The following NSA2 variants were observed in gnomAD, a reference collection of about 807,000 sequenced individuals.
The protein encoded by NSA2 is ribosome biogenesis protein NSA2 homolog.
A neutral mutation model predicts 34.8 loss-of-function variants in NSA2; 18 were observed. The ratio of observed to expected loss-of-function variants is 0.52; its 90% CI spans 0.36 to 0.77. The LOEUF (loss-of-function observed/expected upper bound fraction) is 0.77, where lower values mean the gene tolerates loss of function less well. Ranked by LOEUF, NSA2 falls within the 30% of genes least tolerant of loss-of-function variation. The pLI, the probability that NSA2 is intolerant of heterozygous loss-of-function variation, is 0.00. For missense variants in NSA2, 188 were observed against 314.7 expected, an observed-to-expected ratio of 0.60 and a Z score of 3.05; for synonymous variants, 79 against 100.2, an observed-to-expected ratio of 0.79 and a Z score of 1.26.
chr5:74,767,418 T>C, intron 1 of NSA2, 55 bp downstream of exon 1: 1 of 1,606,198 alleles, frequency 6.2e-7, no homozygotes, highest in Non-Finnish European at 8.5e-7. Flanking sequence ...TAGTGGGACC[T>C]GAGGACTCTG....
In NSA2 at chr5:74,778,436, A is replaced by G. The variant is rs1745231231; in HGVS notation, c.*1765A>G. 1 of 152,026 alleles carries G rather than the reference A, an allele frequency of 6.6e-6. No homozygotes were observed. The highest frequency in any genetic ancestry group is 2.1e-4 in the South Asian group (1 of 4,830). 9.4% of individuals were successfully genotyped at this position (152,026 alleles called of 1,614,324 possible). On this transcript the variant is annotated 3_prime_UTR_variant, in exon 6 of 6. Coordinates refer to ENST00000610426, the MANE Select transcript of NSA2 (RefSeq NM_014886.6). ...GCAATCATAAACCTTCAAGATTTCTAGTCACTGAAACCCCATTGTAGGTAG... is the reference window on the plus strand; with the variant it reads ...GCAATCATAAACCTTCAAGATTTCTGGTCACTGAAACCCCATTGTAGGTAG...
chr5:74,772,380 A>G (rs1744972595), intron 4 of NSA2, among the ~76,000 whole-genome samples: 1 of 152,064 alleles, frequency 6.6e-6, no homozygotes, highest in South Asian at 2.1e-4. Context: ...TAGCCTCCCA[A>G]AGTGTTGGAA....
chr5:74,768,439 G>A (rs1744789922), intron 1 of NSA2, among the ~76,000 whole-genome samples: 1 of 152,166 alleles, frequency 6.6e-6, no homozygotes, highest in Non-Finnish European at 1.5e-5. Flanking sequence ...TTGGGAAAGA[G>A]GATTGACTTA....
chr5:74,768,895 T>A (rs761709918), intron 1 of NSA2, 36 bp from the exon 2 acceptor site: 1 of 1,440,562 alleles, frequency 6.9e-7, no homozygotes. Flanking sequence ...GTCAGTACTT[T>A]AAAAAATTAA....
chr5:74,773,088 A>G (rs896697731), intron 4 of NSA2, among the ~76,000 whole-genome samples: 3 of 152,138 alleles, frequency 2.0e-5, no homozygotes, highest in Non-Finnish European at 4.4e-5. Flanking sequence ...GAATCAGGAT[A>G]TTAAGGTTTG....
At position 74,770,813 on chromosome 5, in the gene NSA2, A is replaced by C; in HGVS notation, c.522+3A>C. 1.3e-6 allele frequency: 2 copies of C among 1,566,466 alleles called. No homozygotes were observed. The highest frequency in any genetic ancestry group is 8.6e-7 in the Non-Finnish European group (1 of 1,159,628). On this transcript the variant is annotated splice_donor_region_variant and intron_variant, in intron 4 of 5. Transcript: ENST00000610426. ...ATGAAAGATTCATCAGGCCAATGGTAAGTCCTTGGAAGAGTGTAATGACCG... is the reference window on the plus strand; with the variant it reads ...ATGAAAGATTCATCAGGCCAATGGTCAGTCCTTGGAAGAGTGTAATGACCG...
In NSA2 at chr5:74,774,473, G is replaced by A. The variant is rs572643126; in HGVS notation, c.715+413G>A. Among the ~76,000 whole-genome samples, 18 of 151,954 alleles carry A rather than the reference G, an allele frequency of 1.2e-4. No homozygotes were observed. In the South Asian group the frequency reaches 1.3e-3, roughly 11 times the overall value. The stretch of plus-strand genomic sequence containing the variant: ...AAAAAAATCAGCCGGGTGTGGTGGC[G>A]AGCACCTCTAATCCCAGCCACTTGG... On this transcript the variant is annotated intron_variant, in intron 5 of 5. Coordinates refer to ENST00000610426, the MANE Select transcript of NSA2 (RefSeq NM_014886.6).
Position 74,770,555 on chromosome 5 carries a change from AC to A in NSA2, c.343-75del. ...AAAAAAAATAGATCTATTACTTTGT[AC>A]AACTAAAACATATTTGACTTATTCT... On this transcript the variant is annotated intron_variant, in intron 3 of 5. Coordinates refer to ENST00000610426, the MANE Select transcript of NSA2 (RefSeq NM_014886.6). The A allele has an allele frequency of 4.2e-6, 5 of 1,202,922 alleles. No homozygotes were observed. The South Asian group carries it at 8.5e-5, about 20-fold the overall frequency. 74.5% of individuals were successfully genotyped at this position (1,202,922 alleles called of 1,614,324 possible).
intron 4 of NSA2, 119 bp from the exon 5 acceptor site, chr5:74,773,749 T>C (rs1745021979): frequency 4.2e-6 from 3 of 711,480 alleles, no homozygotes; most frequent in South Asian, 4.5e-5. Context: ...TTCTTTAAGA[T>C]GACATTATTC....
intron 5 of NSA2, among the ~76,000 whole-genome samples, chr5:74,775,605 A>G (rs1002968590): frequency 6.6e-6 from 1 of 152,120 alleles, no homozygotes; most frequent in African/African-American, 2.4e-5. Context: ...GCAAGCCTCC[A>G]TCTCAAAAAT....
intron 4 of NSA2, among the ~76,000 whole-genome samples, chr5:74,773,119 T>C (rs1434188722): frequency 6.6e-6 from 1 of 152,148 alleles, no homozygotes. Flanking sequence ...CCACTCACCA[T>C]TTAATCTGGA....
At chr5:74,773,236 G>C (rs1745002423) in intron 4 of NSA2, among the ~76,000 whole-genome samples, 1 of 152,046 alleles carries the variant, frequency 6.6e-6, no homozygotes, top group African/African-American at 2.4e-5. Context: ...TTGTGAGCTA[G>C]CATAGTGGCC....
Position 74,767,273 on chromosome 5 carries a change from G to C in NSA2, c.-88G>C, listed in dbSNP as rs1040119280. On this transcript the variant is annotated 5_prime_UTR_variant, in exon 1 of 6. Coordinates refer to ENST00000610426, the MANE Select transcript of NSA2 (RefSeq NM_014886.6). Reference sequence around the variant, plus strand: ...GACTCTTTCCTGTCCCGGCCTGCGTGGTGTGGGCTTGTGGGTCTTTGAGAC... The same window carrying C: ...GACTCTTTCCTGTCCCGGCCTGCGTCGTGTGGGCTTGTGGGTCTTTGAGAC... 5 of 1,519,478 alleles carry C rather than the reference G, an allele frequency of 3.3e-6. No individual in the cohort carries two copies. The African/African-American group carries it at 5.5e-5, about 17-fold the overall frequency. 94.1% of individuals were successfully genotyped at this position (1,519,478 alleles called of 1,614,324 possible).
At chr5:74,774,688 A>G (rs1745054788) in intron 5 of NSA2, among the ~76,000 whole-genome samples, 1 of 152,210 alleles carries the variant, frequency 6.6e-6, no homozygotes, top group Non-Finnish European at 1.5e-5. Flanking sequence ...TTATAAGAAA[A>G]TAGAATAAAT....
rs886244270 is a variant in NSA2, at chr5:74,778,731, C to T, written c.*2060C>T. Reference sequence around the variant, plus strand: ...TTGAAAGAACTAAAATACTAATAACCATCTGCTTTATATTACACAAGGAAA... The same window carrying T: ...TTGAAAGAACTAAAATACTAATAACTATCTGCTTTATATTACACAAGGAAA... On this transcript the variant is annotated 3_prime_UTR_variant, in exon 6 of 6. Coordinates refer to ENST00000610426, the MANE Select transcript of NSA2 (RefSeq NM_014886.6). 3 of 151,964 alleles carry T rather than the reference C, an allele frequency of 2.0e-5. No individual in the cohort carries two copies. The highest frequency in any genetic ancestry group is 7.2e-5 in the African/African-American group (3 of 41,408). 9.4% of individuals were successfully genotyped at this position (151,964 alleles called of 1,614,324 possible). A position where few individuals can be genotyped will look rare whatever the true frequency, so the allele number is the denominator to read the frequency against.
rs981283277 is a variant in NSA2, at chr5:74,777,879, C to G, written c.*1208C>G. The G allele has an allele frequency of 6.6e-6, 1 of 151,906 alleles. No individual in the cohort carries two copies. The highest frequency in any genetic ancestry group is 6.6e-5 in the Admixed American group (1 of 15,244). 9.4% of individuals were successfully genotyped at this position (151,906 alleles called of 1,614,324 possible). A position where few individuals can be genotyped will look rare whatever the true frequency, so the allele number is the denominator to read the frequency against. The stretch of plus-strand genomic sequence containing the variant: ...TTTTTCTAAGTTCTATAAATATATA[C>G]TGGAAGTTTTAGAACACATACAGAC... On this transcript the variant is annotated 3_prime_UTR_variant, in exon 6 of 6. Transcript: ENST00000610426.
Position 74,769,018 on chromosome 5 carries a change from G to C in NSA2, c.91G>C (p.Glu31Gln). The change falls in exon 2 of 6, where the codon GAG becomes CAG. Residue 31 changes from glutamate (E) to glutamine (Q), a missense_variant. Transcript: ENST00000610426. ...GAAAAAGAGAAAGAAGGAAAGTCGA[G>C]AGGCTCATGAACGTTCAAAGAAGGC... is the stretch of plus-strand genomic sequence containing the variant. ...HEKKRKKESR[E>Q]AHERSKKAKK... The C allele has an allele frequency of 6.2e-7, 1 of 1,611,642 alleles. No homozygotes were observed. Among genetic ancestry groups the C allele is most frequent in the Non-Finnish European group, 8.5e-7 (1 of 1,179,316 alleles).
Position 74,778,681 on chromosome 5 carries a change from T to C in NSA2, c.*2010T>C, listed in dbSNP as rs1013904015. The C allele has an allele frequency of 1.3e-5, 2 of 152,090 alleles. No individual in the cohort carries two copies. The highest frequency in any genetic ancestry group is 2.9e-5 in the Non-Finnish European group (2 of 67,938). 9.4% of individuals were successfully genotyped at this position (152,090 alleles called of 1,614,324 possible). ...TTCTTAAATATACTAATTTCTGTGA[T>C]GTCTAGCAATTGAATAATTTAAACT... is the stretch of plus-strand genomic sequence containing the variant. On this transcript the variant is annotated 3_prime_UTR_variant, in exon 6 of 6. Transcript: ENST00000610426.
rs752339748 is a variant in NSA2 at position 74,769,308 on chromosome 5, C to A, written c.286C>A (p.Gln96Lys). 6.8e-6 allele frequency: 11 copies of A among 1,613,044 alleles called. No individual in the cohort carries two copies. The highest frequency in any genetic ancestry group is 8.5e-6 in the Non-Finnish European group (10 of 1,179,592). Residue 96 changes from glutamine (Q) to lysine (K), a missense_variant, in exon 3 of 6, where the codon CAA becomes AAA. Gln to Lys is a moderately conservative substitution (Grantham distance 53). Coordinates refer to ENST00000610426, the MANE Select transcript of NSA2 (RefSeq NM_014886.6). ...TGCCTATCTGCTGGACAGAGAGGGA[C>A]AATCTCGAGCTAAAGTACTTTCCAA... ...VPAYLLDREG[Q>K]SRAKVLSNMI...
Sources: gnomAD v4.1 joint callset for allele counts (sites outside exome capture counted in the v4.1 genomes callset) on GRCh38, gnomAD v4.1.1 for gene constraint, MANE v1.5 for transcripts, NCBI Gene and HGNC (gene_info 2026-07-23, HGNC 2026-07-21) for gene names.